Variants in NR5A2 observed in about 807,000 individuals in gnomAD.
NR5A2 encodes the protein CYP7A promoter-binding factor.
NR5A2 carries 26 observed loss-of-function variants against 62.7 expected under a neutral mutation model. The observed-to-expected ratio is 0.41, with a 90% CI of 0.30 to 0.58. The LOEUF is 0.58. NR5A2 is among the 20% of genes least tolerant of loss of function. The pLI, the probability that NR5A2 is intolerant of heterozygous loss-of-function variation, is 0.22. For missense variants in NR5A2, 541 were observed against 669.1 expected (o/e 0.81, Z 2.11); for synonymous variants, 246 against 241.7 (o/e 1.02, Z -0.16).
At chr1:200,042,926 C>G in intron 2 of NR5A2, 1 of 985,444 alleles carries the variant, frequency 1.0e-6, no homozygotes. Context: ...CGCGTCGTGG[C>G]GGCCTGATTT....
At chr1:200,168,621 G>A (rs1654025570) in intron 7 of NR5A2, among the ~76,000 whole-genome samples, 1 of 152,084 alleles carries the variant, frequency 6.6e-6, no homozygotes, top group Non-Finnish European at 1.5e-5. Context: ...AGGGACTTAT[G>A]GGAATGAATT....
chr1:200,102,911 T>C (rs1042159616), intron 5 of NR5A2, among the ~76,000 whole-genome samples: 2 of 152,084 alleles, frequency 1.3e-5, no homozygotes, highest in Non-Finnish European at 2.9e-5. Context: ...AATGCATTGA[T>C]GGATATTTTA....
At chr1:200,042,757 T>C (rs1209003744) in intron 2 of NR5A2, 17 of 940,798 alleles carry the variant, frequency 1.8e-5, no homozygotes, top group Non-Finnish European at 1.9e-5. Flanking sequence ...CCTGTGTGGA[T>C]GTGGAGTCTC....
intron 2 of NR5A2, among the ~76,000 whole-genome samples, chr1:200,041,098 G>A (rs907474093): frequency 3.3e-5 from 5 of 152,158 alleles, no homozygotes; most frequent in Non-Finnish European, 5.9e-5. Flanking sequence ...GGCTGGGTTG[G>A]GGGACCTCAG....
intron 2 of NR5A2, 53 bp from the exon 3 acceptor site, chr1:200,043,721 C>T: frequency 8.7e-7 from 1 of 1,149,916 alleles, no homozygotes; most frequent in Non-Finnish European, 1.3e-6. Flanking sequence ...GCAGGATTAA[C>T]ACCTACATGT....
intron 4 of NR5A2, among the ~76,000 whole-genome samples, chr1:200,046,365 T>TAG (rs1662362884): frequency 6.6e-6 from 1 of 152,210 alleles, no homozygotes; most frequent in Non-Finnish European, 1.5e-5. Context: ...CTATGGTATG[T>TAG]TGCTGCTTTC....
chr1:200,148,085 C>T, intron 7 of NR5A2: 1 of 289,548 alleles, frequency 3.5e-6, no homozygotes, highest in Non-Finnish European at 6.7e-6. Context: ...CGAAGGTATC[C>T]ACCAGGTTGA....
chr1:200,096,891 G>T (rs1030236105), intron 5 of NR5A2, among the ~76,000 whole-genome samples: 10 of 152,176 alleles, frequency 6.6e-5, no homozygotes, highest in Non-Finnish European at 1.5e-4. Context: ...TAGGTTCATG[G>T]TAGGTGCTAC....
rs149050508 is a variant in NR5A2 at position 200,138,204 on chromosome 1, T to G, written c.1378+17249T>G. Among the ~76,000 whole-genome samples, 790 of 152,316 alleles carry G rather than the reference T, an allele frequency of 5.2e-3. 2 individuals carry two copies. The highest frequency in any genetic ancestry group is 0.018 in the African/African-American group (750 of 41,574). On this transcript the variant is annotated intron_variant, in intron 7 of 7. Coordinates refer to ENST00000367362, the MANE Select transcript of NR5A2 (RefSeq NM_205860.3). ...TCCATGTCTTCCTGTAATATATTGT[T>G]GGACAATCACTCTATTGTTGGACAA...
chr1:200,097,628 C>T (rs1263404696), intron 5 of NR5A2, among the ~76,000 whole-genome samples: 1 of 152,104 alleles, frequency 6.6e-6, no homozygotes, highest in African/African-American at 2.4e-5. Flanking sequence ...AGATTACTAA[C>T]AGTGAGTAAA....
chr1:200,137,673 T>G (rs1033017472), intron 7 of NR5A2, among the ~76,000 whole-genome samples: 1 of 152,212 alleles, frequency 6.6e-6, no homozygotes, highest in African/African-American at 2.4e-5. Flanking sequence ...AACATGAATT[T>G]GTGTACGTTT....
At chr1:200,091,687 G>T (rs2102254179) in intron 5 of NR5A2, among the ~76,000 whole-genome samples, 1 of 152,206 alleles carries the variant, frequency 6.6e-6, no homozygotes, top group East Asian at 1.9e-4. Context: ...GTTTCACCAT[G>T]TTGGTGAGGA....
intron 5 of NR5A2, among the ~76,000 whole-genome samples, chr1:200,090,925 G>A (rs139006951): frequency 1.5e-3 from 224 of 152,278 alleles, no homozygotes; most frequent in African/African-American, 4.8e-3. Flanking sequence ...AAGAACTTCA[G>A]CATTGTCTTA....
At chr1:200,126,917 G>A (rs1412059225) in intron 7 of NR5A2, among the ~76,000 whole-genome samples, 1 of 152,094 alleles carries the variant, frequency 6.6e-6, no homozygotes, top group East Asian at 1.9e-4. Flanking sequence ...TCAGCATTTA[G>A]GTTCTATTTG....
At chr1:200,167,505 G>A (rs1653959776) in intron 7 of NR5A2, among the ~76,000 whole-genome samples, 1 of 152,090 alleles carries the variant, frequency 6.6e-6, no homozygotes, top group African/African-American at 2.4e-5. Context: ...CTCCCTCCAT[G>A]AGCCTGCTCT....
At chr1:200,028,778 C>T (rs1339796982) in intron 1 of NR5A2, among the ~76,000 whole-genome samples, 1 of 152,130 alleles carries the variant, frequency 6.6e-6, no homozygotes, top group African/African-American at 2.4e-5. Context: ...TTTGCAGGGG[C>T]CTGTCATGAG....
At chr1:200,161,872 G>C (rs1266124775) in intron 7 of NR5A2, among the ~76,000 whole-genome samples, 1 of 152,166 alleles carries the variant, frequency 6.6e-6, no homozygotes, top group Non-Finnish European at 1.5e-5. Flanking sequence ...TAAATGCATT[G>C]GTTGTCTTTT....
chr1:200,159,609 C>T (rs576059335), intron 7 of NR5A2, among the ~76,000 whole-genome samples: 31 of 151,662 alleles, frequency 2.0e-4, no homozygotes, highest in Non-Finnish European at 3.1e-4. Flanking sequence ...TTTCGTTCAA[C>T]ATTTTCATTT....
At chr1:200,067,661 G>T (rs1663554178) in intron 5 of NR5A2, among the ~76,000 whole-genome samples, 1 of 152,192 alleles carries the variant, frequency 6.6e-6, no homozygotes, top group African/African-American at 2.4e-5. Context: ...CAGCAGAAAA[G>T]ATAACTACAG....
Sources: gnomAD v4.1 joint callset for allele counts (sites outside exome capture counted in the v4.1 genomes callset) on GRCh38, gnomAD v4.1.1 for gene constraint, MANE v1.5 for transcripts, NCBI Gene and HGNC (gene_info 2026-07-23, HGNC 2026-07-21) for gene names.